The following RCL1 variants were observed in gnomAD, a reference collection of about 807,000 sequenced individuals.
The protein encoded by RCL1 is RNA terminal phosphate cyclase like 1.
Under a neutral mutation model 42.4 loss-of-function variants are expected in RCL1, and 24 were observed. The ratio of observed to expected loss-of-function variants is 0.57; its 90% confidence interval spans 0.41 to 0.80. RCL1 has a LOEUF of 0.80. RCL1 is among the 30% of genes least tolerant of loss of function. The pLI is 0.00. For synonymous variants in RCL1, 228 were observed against 177.3 expected, an observed-to-expected ratio of 1.29 and a Z score of -2.27; for missense variants, 578 against 467.9, an observed-to-expected ratio of 1.24 and a Z score of -2.17.
chr9:4,810,749 A>AGGTCTAGTT (rs1362831089), intron 1 of RCL1, among the ~76,000 whole-genome samples: 3 of 152,186 alleles, frequency 2.0e-5, no homozygotes, highest in Non-Finnish European at 2.9e-5. Flanking sequence ...AATATATCTG[A>AGGTCTAGTT]GGTCTAGTTA....
Position 4,797,363 on chromosome 9 carries a change from A to T in RCL1, c.136+4136A>T, listed in dbSNP as rs1842929196. Among the ~76,000 whole-genome samples, 2 of 152,004 alleles carry T rather than the reference A, an allele frequency of 1.3e-5. 1 individual carries two copies. Among genetic ancestry groups the T allele is most frequent in the South Asian group, 4.1e-4 (2 of 4,820 alleles). The stretch of plus-strand genomic sequence containing the variant: ...AATCCGTTCCTGCTTCTATATGGAA[A>T]TTTTTCAGATATTTGAAGAGAATTA... On this transcript the variant is annotated intron_variant, in intron 1 of 8. Coordinates refer to ENST00000381750, the MANE Select transcript of RCL1 (RefSeq NM_005772.5).
At chr9:4,804,829 A>G (rs567912041) in intron 1 of RCL1, 2 of 154,490 alleles carry the variant, frequency 1.3e-5, no homozygotes, top group East Asian at 3.8e-4. Context: ...GACTCCTCCC[A>G]TGGAATGTGG....
intron 8 of RCL1, among the ~76,000 whole-genome samples, chr9:4,855,260 A>G (rs1375285045): frequency 1.3e-5 from 2 of 152,076 alleles, no homozygotes; most frequent in African/African-American, 2.4e-5. Flanking sequence ...CAGGAGTTGC[A>G]TAGAGCCCCT....
At position 4,844,577 on chromosome 9, in the gene RCL1, C is replaced by G. The variant is rs1442570442; in HGVS notation, c.763C>G (p.Leu255Val). 6.2e-7 allele frequency: 1 copy of G among 1,613,924 alleles called. No homozygotes were observed. Among genetic ancestry groups the G allele is most frequent in the South Asian group, 1.1e-5 (1 of 91,022 alleles). The change falls in exon 7 of 9, where the codon CTC becomes GTC. Residue 255 changes from leucine to valine, a missense_variant. Transcript: ENST00000381750. ...LVAETTSGTF[L>V]SAELASNPQG... ...TGCTGAGACCACCAGTGGCACCTTC[C>G]TCAGTGCTGAACTGGCCTCCAACCC...
intron 6 of RCL1, among the ~76,000 whole-genome samples, chr9:4,844,222 G>A (rs552897257): frequency 2.0e-5 from 3 of 152,284 alleles, no homozygotes; most frequent in East Asian, 1.9e-4. Flanking sequence ...GGTTGCATAC[G>A]GATTGTACTG....
chr9:4,825,117 G>A (rs691772), intron 2 of RCL1, among the ~76,000 whole-genome samples: 125,542 of 151,118 alleles, frequency 0.83, 52,525 homozygotes, highest in East Asian at 1. Flanking sequence ...GTGATCTGTC[G>A]GGTGATCCAT....
intron 5 of RCL1, among the ~76,000 whole-genome samples, chr9:4,840,431 G>T (rs1235022947): frequency 2.0e-5 from 3 of 152,176 alleles, no homozygotes; most frequent in African/African-American, 7.2e-5. Flanking sequence ...GACATGTGTG[G>T]TTGGGGAATG....
chr9:4,828,685 C>T (rs1460117078), intron 3 of RCL1, among the ~76,000 whole-genome samples: 1 of 151,932 alleles, frequency 6.6e-6, no homozygotes, highest in African/African-American at 2.4e-5. Flanking sequence ...AAGTGTACAG[C>T]AGTGTGTGTA....
intron 8 of RCL1, among the ~76,000 whole-genome samples, chr9:4,854,419 C>G (rs534007388): frequency 6.6e-6 from 1 of 152,336 alleles, no homozygotes; most frequent in South Asian, 2.1e-4. Flanking sequence ...TCTTTTCCCT[C>G]AACTTCCAGA....
intron 1 of RCL1, among the ~76,000 whole-genome samples, chr9:4,800,962 C>A (rs1388209307): frequency 6.6e-6 from 1 of 152,064 alleles, no homozygotes; most frequent in Non-Finnish European, 1.5e-5. Context: ...CTGGATGTAC[C>A]ATTTTATATT....
Position 4,792,958 on chromosome 9 carries a change from CGT to C in RCL1, c.-133_-132del. 1 of 910,020 alleles carries C rather than the reference CGT, an allele frequency of 1.1e-6. No individual in the cohort carries two copies. 56.4% of individuals were successfully genotyped at this position (910,020 alleles called of 1,614,324 possible). A position where few individuals can be genotyped will look rare whatever the true frequency, so the allele number is the denominator to read the frequency against. ...CTTCCTGTTCCAAACCACGTGGACG[CGT>C]CTGGGCTGCTGGAGGCAGCCCGAGC... On this transcript the variant is annotated 5_prime_UTR_variant, in exon 1 of 9. Coordinates refer to ENST00000381750, the MANE Select transcript of RCL1 (RefSeq NM_005772.5).
At chr9:4,821,292 G>A (rs1480717053) in intron 1 of RCL1, among the ~76,000 whole-genome samples, 1 of 152,152 alleles carries the variant, frequency 6.6e-6, no homozygotes, top group African/African-American at 2.4e-5. Flanking sequence ...CTTTGGAGAA[G>A]GACAGACTTG....
intron 1 of RCL1, among the ~76,000 whole-genome samples, chr9:4,796,869 C>G (rs1190132507): frequency 2.6e-5 from 4 of 152,144 alleles, no homozygotes; most frequent in African/African-American, 9.7e-5. Flanking sequence ...ATAATGATGT[C>G]TTTTCCTCTG....
Position 4,845,749 on chromosome 9 carries a change from C to T in RCL1, c.867+1068C>T, listed in dbSNP as rs554178993. On this transcript the variant is annotated intron_variant, in intron 7 of 8. Coordinates refer to ENST00000381750, the MANE Select transcript of RCL1 (RefSeq NM_005772.5). ...TGCTCTGTGTGTTAGGTCCCAGATTCTTGAACTGAGCATCAGCAAGAACTA... is the reference window on the plus strand; with the variant it reads ...TGCTCTGTGTGTTAGGTCCCAGATTTTTGAACTGAGCATCAGCAAGAACTA... Among the ~76,000 whole-genome samples, 21 of 152,344 alleles carry T rather than the reference C, an allele frequency of 1.4e-4. No individual in the cohort carries two copies. In the South Asian group the frequency reaches 4.4e-3, roughly 32 times the overall value.
At chr9:4,813,801 G>A (rs538928208) in intron 1 of RCL1, among the ~76,000 whole-genome samples, 4 of 152,302 alleles carry the variant, frequency 2.6e-5, no homozygotes, top group African/African-American at 7.2e-5. Flanking sequence ...ATGTCCATCA[G>A]TGATAGACCG....
chr9:4,798,691 T>C (rs1392871107), intron 1 of RCL1, among the ~76,000 whole-genome samples: 2 of 152,218 alleles, frequency 1.3e-5, no homozygotes, highest in African/African-American at 4.8e-5. Flanking sequence ...TGTGCCTATA[T>C]TTTATTTCGG....
intron 7 of RCL1, among the ~76,000 whole-genome samples, chr9:4,846,712 A>G (rs1298290853): frequency 6.6e-6 from 1 of 151,946 alleles, no homozygotes; most frequent in Non-Finnish European, 1.5e-5. Flanking sequence ...ATGTCTTTCT[A>G]ATAGACCTTG....
chr9:4,815,755 C>G (rs778831470), intron 1 of RCL1, among the ~76,000 whole-genome samples: 5 of 152,146 alleles, frequency 3.3e-5, no homozygotes, highest in African/African-American at 4.8e-5. Flanking sequence ...GACTCCTTCT[C>G]TGTGGGGAGC....
rs147383523 is a variant in RCL1, at chr9:4,818,766, G to C, written c.137-4782G>C. Reference sequence around the variant, plus strand: ...ACGTGCCTGTAGTCCTAGCTACTCGGGAGGGTGAGGCAGGAGAATTGGTTG... The same window carrying C: ...ACGTGCCTGTAGTCCTAGCTACTCGCGAGGGTGAGGCAGGAGAATTGGTTG... On this transcript the variant is annotated intron_variant, in intron 1 of 8. Coordinates refer to ENST00000381750, the MANE Select transcript of RCL1 (RefSeq NM_005772.5). 1.3e-3 allele frequency among the ~76,000 whole-genome samples: 192 copies of C among 152,014 alleles called. 2 individuals are homozygous for C. Among genetic ancestry groups the C allele is most frequent in the African/African-American group, 4.3e-3 (179 of 41,478 alleles).
Sources: allele counts gnomAD v4.1 joint callset (sites outside exome capture counted in the v4.1 genomes callset), GRCh38; gene constraint gnomAD v4.1.1; transcripts MANE v1.5; gene names NCBI Gene and HGNC (gene_info 2026-07-23, HGNC 2026-07-21).